PKNOX2: variants seen among roughly 807,000 people sequenced by gnomAD.
PKNOX2 encodes homeobox protein PKNOX2.
PKNOX2 carries 14 observed loss-of-function variants against 53.1 expected under a neutral mutation model. The ratio of observed to expected loss-of-function variants is 0.26; its 90% CI spans 0.17 to 0.41. PKNOX2 has a LOEUF of 0.41. Among genes scored for constraint, PKNOX2 ranks in the 10% least tolerant of loss-of-function variants. The pLI, the probability that PKNOX2 is intolerant of heterozygous loss-of-function variation, is 1.00. For missense variants in PKNOX2, 496 were observed against 602.8 expected, an observed-to-expected ratio of 0.82 and a Z score of 1.85; for synonymous variants, 257 against 242.8, an observed-to-expected ratio of 1.06 and a Z score of -0.54.
At chr11:125,386,375 G>A (rs913473085) in intron 6 of PKNOX2, among the ~76,000 whole-genome samples, 5 of 152,086 alleles carry the variant, frequency 3.3e-5, no homozygotes, top group Non-Finnish European at 7.4e-5. Context: ...AAGTTTCCTG[G>A]GCAGTTGCAA....
chr11:125,252,699 T>C (rs986272318), intron 2 of PKNOX2, among the ~76,000 whole-genome samples: 9 of 152,190 alleles, frequency 5.9e-5, no homozygotes, highest in Admixed American at 2.6e-4. Context: ...GAGAGGTCCA[T>C]GTAGCTCCCC....
intron 3 of PKNOX2, among the ~76,000 whole-genome samples, chr11:125,345,100 C>A (rs187632415): frequency 6.6e-6 from 1 of 152,288 alleles, no homozygotes; most frequent in Admixed American, 6.5e-5. Flanking sequence ...CCCCACATTC[C>A]TGCTGCCTGA....
intron 5 of PKNOX2, among the ~76,000 whole-genome samples, chr11:125,371,900 C>T (rs1952571542): frequency 6.6e-6 from 1 of 152,158 alleles, no homozygotes; most frequent in Non-Finnish European, 1.5e-5. Context: ...GGCTTCCGGA[C>T]TCTGCCTGTC....
At chr11:125,168,155 G>A (rs1222995301) in intron 1 of PKNOX2, among the ~76,000 whole-genome samples, 3 of 152,214 alleles carry the variant, frequency 2.0e-5, no homozygotes, top group South Asian at 2.1e-4. Context: ...TTTGCCTCGC[G>A]TTTAGTAAGA....
intron 2 of PKNOX2, among the ~76,000 whole-genome samples, chr11:125,279,413 C>T (rs975297927): frequency 1.3e-5 from 2 of 152,148 alleles, no homozygotes; most frequent in Non-Finnish European, 2.9e-5. Flanking sequence ...AAAGGAGACC[C>T]GAGAAGTATT....
intron 10 of PKNOX2, among the ~76,000 whole-genome samples, chr11:125,416,088 G>T (rs987936461): frequency 8.6e-5 from 13 of 151,884 alleles, no homozygotes; most frequent in Non-Finnish European, 1.6e-4. Flanking sequence ...CGGATCACGA[G>T]GTCAGGAGAT....
At chr11:125,378,540 C>T (rs934905549) in intron 5 of PKNOX2, among the ~76,000 whole-genome samples, 1 of 152,170 alleles carries the variant, frequency 6.6e-6, no homozygotes, top group African/African-American at 2.4e-5. Context: ...TCTTCCCACC[C>T]CCAAGAGGGT....
intron 6 of PKNOX2, among the ~76,000 whole-genome samples, chr11:125,392,399 G>A (rs758813163): frequency 6.6e-6 from 1 of 152,214 alleles, no homozygotes; most frequent in East Asian, 1.9e-4. Context: ...AACATTGATA[G>A]TGTTGCCTAC....
intron 5 of PKNOX2, among the ~76,000 whole-genome samples, chr11:125,381,898 T>C (rs1953256156): frequency 6.6e-6 from 1 of 152,168 alleles, no homozygotes; most frequent in Admixed American, 6.5e-5. Flanking sequence ...AACTTAAATG[T>C]CACCTCCGCA....
intron 7 of PKNOX2, among the ~76,000 whole-genome samples, chr11:125,405,364 A>T: frequency 6.6e-6 from 1 of 152,190 alleles, no homozygotes; most frequent in East Asian, 1.9e-4. Context: ...CCTTGAGTGG[A>T]AATGAAGTCT....
chr11:125,388,864 C>G (rs1953838891), intron 6 of PKNOX2, among the ~76,000 whole-genome samples: 1 of 152,138 alleles, frequency 6.6e-6, no homozygotes, highest in Non-Finnish European at 1.5e-5. Context: ...GCACCCCTAC[C>G]AGAGAAGAAA....
intron 2 of PKNOX2, among the ~76,000 whole-genome samples, chr11:125,293,709 T>G (rs1947458506): frequency 6.6e-6 from 1 of 151,882 alleles, no homozygotes; most frequent in African/African-American, 2.4e-5. Context: ...GAAGTTCCTT[T>G]TATTTGGAGT....
intron 2 of PKNOX2, among the ~76,000 whole-genome samples, chr11:125,304,207 C>A (rs1948267697): frequency 6.6e-6 from 1 of 152,162 alleles, no homozygotes; most frequent in African/African-American, 2.4e-5. Flanking sequence ...AGGTGATGTC[C>A]TAAACTGCAG....
At chr11:125,170,912 G>A (rs1008670480) in intron 1 of PKNOX2, among the ~76,000 whole-genome samples, 3 of 151,366 alleles carry the variant, frequency 2.0e-5, no homozygotes, top group Non-Finnish European at 4.4e-5. Context: ...TGCTTAGTAG[G>A]AACGTGGCCA....
At chr11:125,407,965 A>T (rs56120311) in intron 7 of PKNOX2, among the ~76,000 whole-genome samples, 54,203 of 151,936 alleles carry the variant, frequency 0.36, 10,002 homozygotes, top group Middle Eastern at 0.49. Context: ...GGTGGTGACG[A>T]GATTGCCTTT....
intron 7 of PKNOX2, among the ~76,000 whole-genome samples, chr11:125,401,104 C>A (rs1423189578): frequency 6.6e-6 from 1 of 151,354 alleles, no homozygotes; most frequent in Non-Finnish European, 1.5e-5. Flanking sequence ...CAAGGGGAAG[C>A]CAAAGGAGGA....
intron 7 of PKNOX2, among the ~76,000 whole-genome samples, chr11:125,398,985 G>A (rs115272940): frequency 6.6e-6 from 1 of 152,348 alleles, no homozygotes; most frequent in African/African-American, 2.4e-5. Flanking sequence ...AGGCTGTGCC[G>A]TTTTTGTCCC....
At chr11:125,270,748 C>T (rs1168532764) in intron 2 of PKNOX2, among the ~76,000 whole-genome samples, 3 of 152,254 alleles carry the variant, frequency 2.0e-5, no homozygotes, top group South Asian at 2.1e-4. Context: ...CCCCAGCCCA[C>T]CTTCCCAGAG....
chr11:125,387,128 A>C (rs1953693814), intron 6 of PKNOX2, among the ~76,000 whole-genome samples: 1 of 152,160 alleles, frequency 6.6e-6, no homozygotes, highest in Non-Finnish European at 1.5e-5. Flanking sequence ...CTCCAGTTGC[A>C]GGCTGGTTTT....
Sources: gnomAD v4.1 joint callset for allele counts (sites outside exome capture counted in the v4.1 genomes callset) on GRCh38, gnomAD v4.1.1 for gene constraint, MANE v1.5 for transcripts, NCBI Gene and HGNC (gene_info 2026-07-23, HGNC 2026-07-21) for gene names.